The following AGPAT5 variants were observed in gnomAD, a reference collection of about 807,000 sequenced individuals.
The protein encoded by AGPAT5 is 1-acyl-sn-glycerol-3-phosphate acyltransferase epsilon.
Under a neutral mutation model 45.6 loss-of-function variants are expected in AGPAT5, and 46 were observed. The ratio of observed to expected loss-of-function variants is 1.01; its 90% CI spans 0.80 to 1.29. The LOEUF is 1.29. Among genes scored for constraint, AGPAT5 ranks in the 50% most tolerant of loss-of-function variants. AGPAT5 has a pLI of 0.00. For missense variants in AGPAT5, 673 were observed against 450.7 expected (o/e 1.49, Z -4.47); for synonymous variants, 272 against 167.0 (o/e 1.63, Z -4.85).
intron 1 of AGPAT5, among the ~76,000 whole-genome samples, chr8:6,715,824 A>G (rs1023365292): frequency 6.6e-6 from 1 of 152,226 alleles, no homozygotes; most frequent in Non-Finnish European, 1.5e-5. Context: ...TTAGTGGAGA[A>G]GGCTATAAAA....
chr8:6,747,227 C>T (rs772485380), intron 5 of AGPAT5, among the ~76,000 whole-genome samples: 1 of 152,212 alleles, frequency 6.6e-6, no homozygotes, highest in African/African-American at 2.4e-5. Flanking sequence ...GTCCTGCAGC[C>T]ACACAGATGA....
intron 4 of AGPAT5, among the ~76,000 whole-genome samples, chr8:6,740,422 A>G (rs1270121147): frequency 6.6e-6 from 1 of 150,458 alleles, no homozygotes; most frequent in Non-Finnish European, 1.5e-5. Flanking sequence ...ACTTTTCTAC[A>G]TTTTCTTAAC....
intron 4 of AGPAT5, among the ~76,000 whole-genome samples, chr8:6,735,377 G>C (rs1045611372): frequency 2.0e-5 from 3 of 152,046 alleles, no homozygotes; most frequent in African/African-American, 7.2e-5. Flanking sequence ...CTTTTTCTTT[G>C]TCTTGTGAGT....
chr8:6,713,588 C>G (rs1436411465), intron 1 of AGPAT5, among the ~76,000 whole-genome samples: 2 of 152,212 alleles, frequency 1.3e-5, no homozygotes, highest in African/African-American at 4.8e-5. Flanking sequence ...GAATCTCACA[C>G]TGTTGCCCAA....
chr8:6,715,359 G>A (rs539463827), intron 1 of AGPAT5, among the ~76,000 whole-genome samples: 2 of 152,172 alleles, frequency 1.3e-5, no homozygotes, highest in South Asian at 2.1e-4. Context: ...GGAAAGAGTG[G>A]ATGTTAAGAT....
intron 4 of AGPAT5, among the ~76,000 whole-genome samples, chr8:6,739,473 G>C (rs1801165404): frequency 6.6e-6 from 1 of 152,000 alleles, no homozygotes; most frequent in African/African-American, 2.4e-5. Context: ...GTGTTTTGTA[G>C]TTTAATGTAC....
At chr8:6,748,169 A>G (rs1801540318) in intron 6 of AGPAT5, among the ~76,000 whole-genome samples, 1 of 152,202 alleles carries the variant, frequency 6.6e-6, no homozygotes, top group Non-Finnish European at 1.5e-5. Flanking sequence ...GTTATTAGTC[A>G]GTGCTGCCCT....
rs1294305139 is a variant in AGPAT5 at position 6,708,816 on chromosome 8, C to T, written c.148C>T (p.Leu50=). 1 of 1,611,684 alleles carries T rather than the reference C, an allele frequency of 6.2e-7. No homozygotes were observed. Residue 50 remains leucine (L), a synonymous_variant, in exon 1 of 8, where the codon CTG becomes TTG. Transcript: ENST00000285518. ...AFLPARFYQA[L]DDRLYCVYQS... ...CCTGCCCGCCCGCTTCTACCAAGCG[C>T]TGGACGACCGGCTCTACTGCGTCTA... is the stretch of plus-strand genomic sequence containing the variant.
At chr8:6,749,503 C>G (rs1217660781) in intron 6 of AGPAT5, among the ~76,000 whole-genome samples, 4 of 152,116 alleles carry the variant, frequency 2.6e-5, no homozygotes, top group Non-Finnish European at 4.4e-5. Flanking sequence ...AAACGTCTTC[C>G]TTGCTTTCCA....
chr8:6,718,672 A>T (rs549308780), intron 1 of AGPAT5, among the ~76,000 whole-genome samples: 2 of 152,330 alleles, frequency 1.3e-5, no homozygotes, highest in Admixed American at 1.3e-4. Flanking sequence ...TTCACAAGAC[A>T]TTCTTACTGG....
In AGPAT5 at chr8:6,741,654, C is replaced by T. The variant is rs760854746; in HGVS notation, c.496-7C>T. The T allele has an allele frequency of 1.9e-6, 3 of 1,584,294 alleles. No homozygotes were observed. The highest frequency in any genetic ancestry group is 1.7e-4 in the Middle Eastern group (1 of 5,994). On this transcript the variant is annotated splice_region_variant and splice_polypyrimidine_tract_variant and intron_variant, in intron 4 of 7. Transcript: ENST00000285518. ...AAAATAAACCAAATTTGCTCTATGTCCCACAGATGTATCTTGTGATTTTTC... is the reference window on the plus strand; with the variant it reads ...AAAATAAACCAAATTTGCTCTATGTTCCACAGATGTATCTTGTGATTTTTC...
At chr8:6,718,215 G>C (rs1381618786) in intron 1 of AGPAT5, among the ~76,000 whole-genome samples, 1 of 152,202 alleles carries the variant, frequency 6.6e-6, no homozygotes, top group Non-Finnish European at 1.5e-5. Flanking sequence ...CATGCTGAGT[G>C]TATGAGAAAG....
At chr8:6,720,732 C>G (rs561104833) in intron 1 of AGPAT5, among the ~76,000 whole-genome samples, 22 of 152,276 alleles carry the variant, frequency 1.4e-4, no homozygotes, top group African/African-American at 5.3e-4. Context: ...GATTCAGTGA[C>G]TTTCTGGATT....
chr8:6,747,562 G>C (rs1205087383), intron 5 of AGPAT5, 108 bp from the exon 6 acceptor site: 3 of 1,046,994 alleles, frequency 2.9e-6, no homozygotes, highest in Non-Finnish European at 4.1e-6. Context: ...GGAATTAATA[G>C]ATTCTGTTGT....
chr8:6,715,934 G>A (rs1402490525), intron 1 of AGPAT5, among the ~76,000 whole-genome samples: 1 of 152,162 alleles, frequency 6.6e-6, no homozygotes, highest in Non-Finnish European at 1.5e-5. Flanking sequence ...GGAGTTTGAA[G>A]CATGGCATTC....
intron 6 of AGPAT5, among the ~76,000 whole-genome samples, chr8:6,754,572 G>A (rs1587070352): frequency 6.6e-6 from 1 of 152,162 alleles, no homozygotes; most frequent in Non-Finnish European, 1.5e-5. Context: ...AGGTGCCATC[G>A]TGAGCCAGAC....
At chr8:6,713,061 T>C (rs945310425) in intron 1 of AGPAT5, among the ~76,000 whole-genome samples, 1 of 152,244 alleles carries the variant, frequency 6.6e-6, no homozygotes, top group Admixed American at 6.5e-5. Flanking sequence ...GGCACCATCA[T>C]TGCTCATTGC....
chr8:6,715,867 A>AT (rs1366641472), intron 1 of AGPAT5, among the ~76,000 whole-genome samples: 40 of 152,342 alleles, frequency 2.6e-4, no homozygotes, highest in South Asian at 1.7e-3. Flanking sequence ...AACATGCGTA[A>AT]TTAACATGGA....
At position 6,710,538 on chromosome 8, in the gene AGPAT5, G is replaced by C. The variant is rs963931258; in HGVS notation, c.219+1651G>C. On this transcript the variant is annotated intron_variant, in intron 1 of 7. Transcript: ENST00000285518. ...ATTGCCCACTGATCATCAAATGCAA[G>C]TTATGAACATTTAATAAAAATTTAA... Among the ~76,000 whole-genome samples, 2 of 152,190 alleles carry C rather than the reference G, an allele frequency of 1.3e-5. 1 individual carries two copies. Among genetic ancestry groups the C allele is most frequent in the South Asian group, 4.1e-4 (2 of 4,836 alleles).
Sources: gnomAD v4.1 joint callset for allele counts (sites outside exome capture counted in the v4.1 genomes callset) on GRCh38, gnomAD v4.1.1 for gene constraint, MANE v1.5 for transcripts, NCBI Gene and HGNC (gene_info 2026-07-23, HGNC 2026-07-21) for gene names.